Variants in NHS observed in about 807,000 individuals in gnomAD.
NHS encodes the protein NHS actin remodeling regulator, also known as actin remodeling regulator NHS.
In NHS, 5 loss-of-function variants were observed where a neutral mutation model predicts 72.5. The ratio of observed to expected loss-of-function variants is 0.07; its 90% CI spans 0.04 to 0.14. NHS has a LOEUF of 0.14. Among genes scored for constraint, NHS ranks in the 10% least tolerant of loss-of-function variants. The pLI, the probability that NHS is intolerant of heterozygous loss-of-function variation, is 1.00. For missense variants in NHS, 1,072 were observed against 1,355.7 expected, an observed-to-expected ratio of 0.79 and a Z score of 3.29; for synonymous variants, 464 against 547.7, an observed-to-expected ratio of 0.85 and a Z score of 2.13.
intron 1 of NHS, among the ~76,000 whole-genome samples, chrX:17,419,999 G>A (rs2064615596): frequency 9.0e-6 from 1 of 111,516 alleles, no homozygotes; most frequent in Non-Finnish European, 1.9e-5. Context: ...CAAATCTGGT[G>A]GTTGTAGATT....
intron 1 of NHS, among the ~76,000 whole-genome samples, chrX:17,379,061 AACTT>A (rs1225709708): frequency 9.0e-6 from 1 of 110,704 alleles, no homozygotes; most frequent in Non-Finnish European, 1.9e-5. Context: ...CTAAAAGTAA[AACTT>A]ACTCTTTTTT....
chrX:17,455,320 T>C (rs2064821558), intron 1 of NHS, among the ~76,000 whole-genome samples: 1 of 111,490 alleles, frequency 9.0e-6, no homozygotes, highest in African/African-American at 3.3e-5. Context: ...TCTTCCTCCT[T>C]CTCCTCCTCC....
At chrX:17,675,872 C>T (rs1468073924) in intron 1 of NHS, among the ~76,000 whole-genome samples, 2 of 112,155 alleles carry the variant, frequency 1.8e-5, no homozygotes, top group East Asian at 5.6e-4. Flanking sequence ...TAAAGAGCAT[C>T]ACTTCTCTGC....
chrX:17,375,365 A>G lies in NHS; in HGVS notation c.-393A>G. 1 of 357,870 alleles carries G rather than the reference A, an allele frequency of 2.8e-6. No individual in the cohort carries two copies. Among genetic ancestry groups the G allele is most frequent in the Non-Finnish European group, 4.8e-6 (1 of 209,381 alleles). 29.5% of individuals were successfully genotyped at this position (357,870 alleles called of 1,213,427 possible). On this transcript the variant is annotated 5_prime_UTR_variant, in exon 1 of 9. Transcript: ENST00000676302. Reference sequence around the variant, plus strand: ...CACCCACCCACCCACTCACCCACACACACACAGACACACGCACGCCCATTT... The same window carrying G: ...CACCCACCCACCCACTCACCCACACGCACACAGACACACGCACGCCCATTT...
At chrX:17,399,429 T>G (rs1469227341) in intron 1 of NHS, among the ~76,000 whole-genome samples, 3 of 111,498 alleles carry the variant, frequency 2.7e-5, no homozygotes, top group African/African-American at 9.8e-5. Flanking sequence ...ATTGTTTATA[T>G]TTGAGACAGG....
intron 1 of NHS, among the ~76,000 whole-genome samples, chrX:17,455,420 C>T (rs1420241853): frequency 8.9e-6 from 1 of 111,835 alleles, no homozygotes; most frequent in Non-Finnish European, 1.9e-5. Flanking sequence ...TAGCTCATTC[C>T]TATGCCAGAG....
At chrX:17,485,927 T>C (rs887408615) in intron 1 of NHS, among the ~76,000 whole-genome samples, 3 of 111,878 alleles carry the variant, frequency 2.7e-5, no homozygotes, top group African/African-American at 9.7e-5. Flanking sequence ...CTAAAGACTT[T>C]GGTGGATTCC....
intron 1 of NHS, among the ~76,000 whole-genome samples, chrX:17,468,939 C>T (rs757124964): frequency 1.8e-5 from 2 of 111,644 alleles, no homozygotes; most frequent in South Asian, 3.8e-4. Flanking sequence ...GTTTTACCAA[C>T]GAATATTATA....
chrX:17,463,599 T>G (rs1018127815), intron 1 of NHS, among the ~76,000 whole-genome samples: 1 of 111,638 alleles, frequency 9.0e-6, no homozygotes, highest in Non-Finnish European at 1.9e-5. Context: ...TCCCTGACTT[T>G]TCAGATTTTT....
At chrX:17,585,748 TA>T (rs201765884) in intron 1 of NHS, among the ~76,000 whole-genome samples, 2,523 of 107,586 alleles carry the variant, frequency 0.023, 67 homozygotes, top group African/African-American at 0.076. Flanking sequence ...GTAATAATAA[TA>T]ATAATAATAA....
intron 1 of NHS, among the ~76,000 whole-genome samples, chrX:17,547,372 C>G (rs1361343155): frequency 3.6e-5 from 4 of 111,762 alleles, no homozygotes; most frequent in African/African-American, 1.3e-4. Flanking sequence ...GTGTATTGAG[C>G]ATCATGTTGC....
intron 1 of NHS, among the ~76,000 whole-genome samples, chrX:17,480,023 T>G (rs2064939515): frequency 9.0e-6 from 1 of 111,689 alleles, no homozygotes; most frequent in Non-Finnish European, 1.9e-5. Context: ...TGGACTCTCA[T>G]TTGCAATTGC....
In NHS at chrX:17,549,134, TA is replaced by T. The variant is rs112708749; in HGVS notation, c.566-138592del. Among the ~76,000 whole-genome samples the T allele has an allele frequency of 9.0e-3, 703 of 78,349 alleles. 3 individuals are homozygous for T. The highest frequency in any genetic ancestry group is 0.025 in the African/African-American group (494 of 19,512). 68.0% of individuals were successfully genotyped at this position (78,349 alleles called of 115,157 possible). ...GTTTCAAGATGAGTAGGCCCCTCAT[TA>T]AAAAAAAAAAAAAAAGAAAGAAAAT... On this transcript the variant is annotated intron_variant, in intron 1 of 8. Coordinates refer to ENST00000676302, the MANE Select transcript of NHS (RefSeq NM_001291867.2).
Position 17,385,370 on chromosome X carries a change from C to T in NHS, c.565+9048C>T, listed in dbSNP as rs918923862. 2.7e-5 allele frequency among the ~76,000 whole-genome samples: 3 copies of T among 110,719 alleles called. No individual in the cohort carries two copies. In the East Asian group the frequency reaches 8.5e-4, roughly 32 times the overall value. On this transcript the variant is annotated intron_variant, in intron 1 of 8. Coordinates refer to ENST00000676302, the MANE Select transcript of NHS (RefSeq NM_001291867.2). ...CTCTACAAAAAATACAAAAATTGGCCGGGCATGATGGTATGTGCCCGTAGT... is the reference window on the plus strand; with the variant it reads ...CTCTACAAAAAATACAAAAATTGGCTGGGCATGATGGTATGTGCCCGTAGT...
chrX:17,538,686 G>C (rs1010089088), intron 1 of NHS, among the ~76,000 whole-genome samples: 1 of 112,041 alleles, frequency 8.9e-6, no homozygotes, highest in Admixed American at 9.4e-5. Flanking sequence ...GGCTTCACCG[G>C]ATAGATTTCT....
chrX:17,621,619 G>A lies in NHS; in HGVS notation c.566-66123G>A, dbSNP rs139647520. Among the ~76,000 whole-genome samples, 541 of 111,622 alleles carry A rather than the reference G, an allele frequency of 4.8e-3. 4 individuals are homozygous for A. Among genetic ancestry groups the A allele is most frequent in the African/African-American group, 0.017 (530 of 30,701 alleles). On this transcript the variant is annotated intron_variant, in intron 1 of 8. Coordinates refer to ENST00000676302, the MANE Select transcript of NHS (RefSeq NM_001291867.2). ...TCCAACCTAGTCTGCTGCAATCTGG[G>A]CTTTCCCTGGTCTCCTTTCTGCTCC...
At chrX:17,517,925 T>C (rs756121306) in intron 1 of NHS, among the ~76,000 whole-genome samples, 183 of 112,073 alleles carry the variant, frequency 1.6e-3, no homozygotes, top group African/African-American at 5.6e-3. Flanking sequence ...CTCATCCATA[T>C]TCCCTAGAGT....
intron 1 of NHS, among the ~76,000 whole-genome samples, chrX:17,571,081 A>G (rs780488639): frequency 8.9e-6 from 1 of 111,972 alleles, no homozygotes. Flanking sequence ...CCAGTATTTT[A>G]TTGAGGATTT....
intron 1 of NHS, among the ~76,000 whole-genome samples, chrX:17,554,713 G>C (rs777688277): frequency 2.7e-5 from 3 of 112,275 alleles, no homozygotes; most frequent in Non-Finnish European, 5.6e-5. Flanking sequence ...ATGTTGAGAC[G>C]CGTGTCTGTC....
Sources: allele counts gnomAD v4.1 joint callset (sites outside exome capture counted in the v4.1 genomes callset), GRCh38; gene constraint gnomAD v4.1.1; transcripts MANE v1.5; gene names NCBI Gene and HGNC (gene_info 2026-07-23, HGNC 2026-07-21).